Variants in ERMP1 observed in about 807,000 individuals in gnomAD.
ERMP1 encodes Felix-ina.
Under a neutral mutation model 92.0 loss-of-function variants are expected in ERMP1, and 86 were observed. That is an observed-to-expected ratio of 0.93 (90% CI 0.79 to 1.12). The LOEUF (loss-of-function observed/expected upper bound fraction) is 1.12, where lower values mean the gene tolerates loss of function less well. Ranked by LOEUF, ERMP1 falls within the 50% of genes most tolerant of loss-of-function variation. The pLI is 0.00. For synonymous variants in ERMP1, 530 were observed against 412.8 expected (o/e 1.28, Z -3.44); for missense variants, 1,342 against 1,116.3 (o/e 1.20, Z -2.88).
At chr9:5,846,420 AAC>A (rs1830234400) in intron 6 of ERMP1, among the ~76,000 whole-genome samples, 1 of 152,176 alleles carries the variant, frequency 6.6e-6, no homozygotes, top group South Asian at 2.1e-4. Flanking sequence ...CATCTGTAAA[AAC>A]AGAGATATTA....
At chr9:5,842,394 C>G (rs1830176375) in intron 6 of ERMP1, among the ~76,000 whole-genome samples, 2 of 142,232 alleles carry the variant, frequency 1.4e-5, no homozygotes, top group South Asian at 4.4e-4. Flanking sequence ...CACCTCTCAA[C>G]TGCACTCCAG....
intron 8 of ERMP1, 66 bp from the exon 9 acceptor site, chr9:5,805,851 G>A (rs1828851634): frequency 4.1e-6 from 5 of 1,221,720 alleles, no homozygotes; most frequent in Non-Finnish European, 5.6e-6. Flanking sequence ...TTTTATTATA[G>A]TAACACACTT....
chr9:5,818,518 C>A (rs1302879923), intron 4 of ERMP1, among the ~76,000 whole-genome samples: 1 of 152,098 alleles, frequency 6.6e-6, no homozygotes, highest in Non-Finnish European at 1.5e-5. Flanking sequence ...AAGTTTGAGA[C>A]CAGCCTGGGC....
At chr9:5,832,344 C>G (rs1829974094) in intron 1 of ERMP1, 1 of 255,788 alleles carries the variant, frequency 3.9e-6, no homozygotes, top group South Asian at 1.3e-4. Context: ...ATCTGGAAAG[C>G]AGAAGGGCTA....
At chr9:5,861,452 C>G (rs1223340583) in intron 5 of ERMP1, among the ~76,000 whole-genome samples, 1 of 151,994 alleles carries the variant, frequency 6.6e-6, no homozygotes, top group Admixed American at 6.6e-5. Flanking sequence ...TCAGTACCAC[C>G]TTTAACAAGG....
At chr9:5,837,260 T>C (rs917082001), upstream of ERMP1, among the ~76,000 whole-genome samples, 10 of 152,226 alleles carry the variant, frequency 6.6e-5, no homozygotes, top group African/African-American at 2.2e-4. Context: ...ACTGGTACTA[T>C]AGGTGTGCCA....
rs1830019414 is a variant in ERMP1 at position 5,832,954 on chromosome 9, G to T, written c.74C>A (p.Ala25Asp). 8 of 1,562,800 alleles carry T rather than the reference G, an allele frequency of 5.1e-6. No individual in the cohort carries two copies. The highest frequency in any genetic ancestry group is 1.4e-5 in the African/African-American group (1 of 70,922). Residue 25 changes from alanine (A) to aspartate (D), a missense_variant, in exon 1 of 15, where the codon GCC becomes GAC. Transcript: ENST00000339450. Reference protein sequence around the residue: ...VGVERREGAAAAPPPEREARA... With the variant: ...VGVERREGAADAPPPEREARA... ...GGCCTCCCTCTCCGGCGGTGGCGCG[G>T]CCGCCGCTCCCTCTCGACGCTCTAC...
At chr9:5,797,693 G>A (rs1366263836) in intron 13 of ERMP1, 124 bp downstream of exon 13, 1 of 634,966 alleles carries the variant, frequency 1.6e-6, no homozygotes. Context: ...ATTGATTTTA[G>A]AAACATCACA....
intron 1 of ERMP1, among the ~76,000 whole-genome samples, chr9:5,831,405 A>G (rs112595744): frequency 0.018 from 2,780 of 152,284 alleles, 83 homozygotes; most frequent in African/African-American, 0.062. Context: ...CAGGAGTTTG[A>G]GACCAGCCTG....
intron 6 of ERMP1, among the ~76,000 whole-genome samples, chr9:5,849,024 A>T (rs534374085): frequency 2.4e-4 from 36 of 151,996 alleles, no homozygotes; most frequent in East Asian, 3.9e-4. Context: ...ATTTATATTT[A>T]TATTTTTATT....
At position 5,784,860 on chromosome 9, in the gene ERMP1, G is replaced by T. The variant is rs1427064235; in HGVS notation, c.*2284C>A. On this transcript the variant is annotated 3_prime_UTR_variant, in exon 15 of 15. Coordinates refer to ENST00000339450, the MANE Select transcript of ERMP1 (RefSeq NM_024896.3). ...ACTTTTTCCCTGAATATGCAGTACTGTACTACTAACATCTAATTCTGTAGA... is the reference window on the plus strand; with the variant it reads ...ACTTTTTCCCTGAATATGCAGTACTTTACTACTAACATCTAATTCTGTAGA... The T allele has an allele frequency of 1.3e-5, 2 of 152,534 alleles. No individual in the cohort carries two copies. Among genetic ancestry groups the T allele is most frequent in the African/African-American group, 4.8e-5 (2 of 41,442 alleles). The allele number at this position is 152,534 out of a possible 1,614,324, so 9.4% of individuals were successfully genotyped here. A position where few individuals can be genotyped will look rare whatever the true frequency, so the allele number is the denominator to read the frequency against.
intron 2 of ERMP1, among the ~76,000 whole-genome samples, chr9:5,827,936 C>T (rs1829787667): frequency 6.6e-6 from 1 of 152,108 alleles, no homozygotes; most frequent in Non-Finnish European, 1.5e-5. Flanking sequence ...CGAGATCGCG[C>T]CACTGCACTC....
chr9:5,841,496 G>A (rs1830162965), intron 6 of ERMP1, among the ~76,000 whole-genome samples: 1 of 152,300 alleles, frequency 6.6e-6, no homozygotes, highest in East Asian at 1.9e-4. Flanking sequence ...TTTCCTTTCT[G>A]GGTGAAGAAA....
At chr9:5,791,764 A>G (rs765911823) in intron 13 of ERMP1, among the ~76,000 whole-genome samples, 2 of 152,218 alleles carry the variant, frequency 1.3e-5, no homozygotes, top group Non-Finnish European at 2.9e-5. Flanking sequence ...TAAATTTAAC[A>G]ATTCAACACA....
At chr9:5,808,120 G>C (rs1405468264) in intron 8 of ERMP1, among the ~76,000 whole-genome samples, 2 of 152,148 alleles carry the variant, frequency 1.3e-5, no homozygotes, top group Non-Finnish European at 2.9e-5. Context: ...ACCATGCCCA[G>C]TCTCTTATGG....
At chr9:5,866,455 G>A (rs1455032175) in intron 5 of ERMP1, among the ~76,000 whole-genome samples, 6 of 152,156 alleles carry the variant, frequency 3.9e-5, no homozygotes, top group African/African-American at 1.2e-4. Flanking sequence ...GGGGCTGTGC[G>A]AGAATGCTAT....
intron 2 of ERMP1, among the ~76,000 whole-genome samples, chr9:5,826,184 T>C (rs1829725674): frequency 6.6e-6 from 1 of 152,214 alleles, no homozygotes. Flanking sequence ...CTGGGGTTCA[T>C]TAAACAATTC....
intron 5 of ERMP1, among the ~76,000 whole-genome samples, chr9:5,865,892 A>G (rs1291522659): frequency 6.6e-6 from 1 of 151,474 alleles, no homozygotes; most frequent in East Asian, 1.9e-4. Flanking sequence ...TAAAAAATAT[A>G]TAAAATGAGT....
At chr9:5,864,470 T>C (rs181731971) in intron 5 of ERMP1, among the ~76,000 whole-genome samples, 1 of 152,336 alleles carries the variant, frequency 6.6e-6, no homozygotes, top group Admixed American at 6.5e-5. Flanking sequence ...AAGTAATTAA[T>C]AGCACTTTTG....
Sources: gnomAD v4.1 joint callset for allele counts (sites outside exome capture counted in the v4.1 genomes callset) on GRCh38, gnomAD v4.1.1 for gene constraint, MANE v1.5 for transcripts, NCBI Gene and HGNC (gene_info 2026-07-23, HGNC 2026-07-21) for gene names.